RBM27: variants seen among roughly 807,000 people sequenced by gnomAD.
RBM27 encodes the protein RNA-binding protein 27.
A neutral mutation model predicts 135.3 loss-of-function variants in RBM27; 22 were observed. The ratio of observed to expected loss-of-function variants is 0.16; its 90% CI spans 0.12 to 0.23. RBM27 has a LOEUF of 0.23. RBM27 is among the 10% of genes least tolerant of loss of function. The pLI is 1.00. For synonymous variants in RBM27, 481 were observed against 442.4 expected, an observed-to-expected ratio of 1.09 and a Z score of -1.10; for missense variants, 1,009 against 1,281.0, an observed-to-expected ratio of 0.79 and a Z score of 3.24.
At chr5:146,285,569 A>T (rs745407281) in intron 20 of RBM27, among the ~76,000 whole-genome samples, 1 of 152,160 alleles carries the variant, frequency 6.6e-6, no homozygotes, top group Non-Finnish European at 1.5e-5. Flanking sequence ...TTGGATGGAT[A>T]TAAAAACAAA....
chr5:146,258,618 CA>C, intron 11 of RBM27, 25 bp downstream of exon 11: 1 of 1,501,954 alleles, frequency 6.7e-7, no homozygotes, highest in Non-Finnish European at 8.9e-7. Context: ...TAATTAGTAG[CA>C]TCTAATTGTT....
Position 146,203,664 on chromosome 5 carries a change from C to A in RBM27, c.-102C>A. 2 of 1,106,112 alleles carry A rather than the reference C, an allele frequency of 1.8e-6. No individual in the cohort carries two copies. The highest frequency in any genetic ancestry group is 2.7e-6 in the Non-Finnish European group (2 of 750,218). The allele number at this position is 1,106,112 out of a possible 1,614,324, so 68.5% of individuals were successfully genotyped here. Reference sequence around the variant, plus strand: ...GAAGTCTCCTAAGATGCCCGGTGGGCTGGGGCACCGGGAGCTGTGAAGGGA... The same window carrying A: ...GAAGTCTCCTAAGATGCCCGGTGGGATGGGGCACCGGGAGCTGTGAAGGGA... On this transcript the variant is annotated 5_prime_UTR_variant, in exon 1 of 21. The change creates a new upstream start codon in the 5' untranslated region. Coordinates refer to ENST00000265271, the MANE Select transcript of RBM27 (RefSeq NM_018989.2).
At chr5:146,249,625 C>G (rs768599654) in intron 8 of RBM27, among the ~76,000 whole-genome samples, 1 of 144,198 alleles carries the variant, frequency 6.9e-6, no homozygotes, top group East Asian at 2.0e-4. Context: ...AGGCAGAGGT[C>G]GCCGTGAGCC....
rs552943201 is a variant in RBM27, at chr5:146,232,949, T to C, written c.851-501T>C. 8.5e-5 allele frequency among the ~76,000 whole-genome samples: 13 copies of C among 152,350 alleles called. No individual in the cohort carries two copies. The East Asian group carries it at 2.5e-3, about 29-fold the overall frequency. ...GTTTGGGATGTTTCTATTATTTTTC[T>C]ACTATGTACAGTGCTACAAGTGATA... On this transcript the variant is annotated intron_variant, in intron 6 of 20. Coordinates refer to ENST00000265271, the MANE Select transcript of RBM27 (RefSeq NM_018989.2).
At chr5:146,215,078 C>T (rs1198182376) in intron 1 of RBM27, among the ~76,000 whole-genome samples, 1 of 152,004 alleles carries the variant, frequency 6.6e-6, no homozygotes, top group Admixed American at 6.6e-5. Flanking sequence ...GAGACTGAGT[C>T]GCGCTCTATC....
intron 19 of RBM27, among the ~76,000 whole-genome samples, chr5:146,277,673 C>A (rs1311406889): frequency 6.6e-6 from 1 of 151,626 alleles, no homozygotes; most frequent in Non-Finnish European, 1.5e-5. Context: ...CAGGCGCCCG[C>A]CACCAGGCCC....
chr5:146,209,750 G>C (rs775391016), intron 1 of RBM27, among the ~76,000 whole-genome samples: 4 of 152,138 alleles, frequency 2.6e-5, no homozygotes, highest in Non-Finnish European at 5.9e-5. Context: ...GGTAATTTTC[G>C]AAGTGTACTT....
intron 8 of RBM27, among the ~76,000 whole-genome samples, chr5:146,248,551 T>C (rs1212770389): frequency 6.6e-6 from 1 of 152,154 alleles, no homozygotes; most frequent in Non-Finnish European, 1.5e-5. Flanking sequence ...TTGCAACCTC[T>C]GCCTCCTGGG....
chr5:146,281,364 T>C (rs889755531), intron 19 of RBM27, among the ~76,000 whole-genome samples: 1 of 152,080 alleles, frequency 6.6e-6, no homozygotes, highest in Non-Finnish European at 1.5e-5. Flanking sequence ...CAGTAACATA[T>C]ATTAAATAAG....
chr5:146,224,245 GTA>G (rs373235037), intron 3 of RBM27, among the ~76,000 whole-genome samples: 2 of 151,046 alleles, frequency 1.3e-5, no homozygotes, highest in African/African-American at 2.4e-5. Flanking sequence ...ATGTATGTGT[GTA>G]TATATATATA....
intron 10 of RBM27, among the ~76,000 whole-genome samples, 168 bp downstream of exon 10, chr5:146,255,260 A>G (rs1758056348): frequency 6.6e-6 from 1 of 152,176 alleles, no homozygotes; most frequent in South Asian, 2.1e-4. Flanking sequence ...AAATAACTTT[A>G]TCTCCAAATT....
At chr5:146,246,680 C>T (rs1757637674) in intron 8 of RBM27, among the ~76,000 whole-genome samples, 1 of 152,012 alleles carries the variant, frequency 6.6e-6, no homozygotes, top group South Asian at 2.1e-4. Context: ...CATAGTAAGA[C>T]CTCATCTCAA....
chr5:146,274,370 C>T (rs960142340), intron 19 of RBM27, among the ~76,000 whole-genome samples: 13 of 152,130 alleles, frequency 8.5e-5, no homozygotes, highest in Non-Finnish European at 1.8e-4. Flanking sequence ...GATTCTCGTG[C>T]CTCAGCCTCC....
At chr5:146,214,522 T>C (rs962982884) in intron 1 of RBM27, among the ~76,000 whole-genome samples, 1 of 152,182 alleles carries the variant, frequency 6.6e-6, no homozygotes, top group South Asian at 2.1e-4. Flanking sequence ...TCTGGAAGTC[T>C]TGTTGAGTAG....
chr5:146,264,238 C>T (rs1758519043), intron 14 of RBM27, among the ~76,000 whole-genome samples: 1 of 152,082 alleles, frequency 6.6e-6, no homozygotes, highest in Non-Finnish European at 1.5e-5. Context: ...GGCTGGAGTG[C>T]AATGGCACAA....
chr5:146,287,830 A>T lies in RBM27; in HGVS notation c.*1800A>T, dbSNP rs555870400. Reference sequence around the variant, plus strand: ...TAAAATAAGCTTATAAAAGAAGGAAAACATCAGAATGGTGTATCTAGAATA... The same window carrying T: ...TAAAATAAGCTTATAAAAGAAGGAATACATCAGAATGGTGTATCTAGAATA... On this transcript the variant is annotated 3_prime_UTR_variant, in exon 21 of 21. Transcript: ENST00000265271. The T allele has an allele frequency of 1.9e-4, 29 of 152,258 alleles. No homozygotes were observed. In the South Asian group the frequency reaches 5.8e-3, roughly 30 times the overall value. 9.4% of individuals were successfully genotyped at this position (152,258 alleles called of 1,614,324 possible).
intron 8 of RBM27, among the ~76,000 whole-genome samples, chr5:146,239,478 T>TC (rs1479333106): frequency 4.8e-4 from 33 of 68,896 alleles, no homozygotes; most frequent in African/African-American, 2.6e-3. Context: ...TTTTCTTTTT[T>TC]TTTTTTTTTT....
In RBM27 at chr5:146,218,054, A is replaced by G. The variant is rs147100125; in HGVS notation, c.60-931A>G. Among the ~76,000 whole-genome samples, 692 of 152,280 alleles carry G rather than the reference A, an allele frequency of 4.5e-3. 7 individuals carry two copies. Among genetic ancestry groups the G allele is most frequent in the African/African-American group, 0.016 (661 of 41,564 alleles). On this transcript the variant is annotated intron_variant, in intron 1 of 20. Transcript: ENST00000265271. ...ATTACAGGCATGAGCCATTGCACCC[A>G]GCCTGAATGTTTTCATTTTACCTTC...
At chr5:146,244,533 G>GC (rs957513266) in intron 8 of RBM27, among the ~76,000 whole-genome samples, 18 of 148,548 alleles carry the variant, frequency 1.2e-4, no homozygotes, top group African/African-American at 3.7e-4. Flanking sequence ...TTTTACCCAT[G>GC]CCCCCCCACC....
Sources: allele counts gnomAD v4.1 joint callset (sites outside exome capture counted in the v4.1 genomes callset), GRCh38; gene constraint gnomAD v4.1.1; transcripts MANE v1.5; gene names NCBI Gene and HGNC (gene_info 2026-07-23, HGNC 2026-07-21).